LINGO2: variants seen among roughly 807,000 people sequenced by gnomAD.
LINGO2 encodes leucine-rich repeat and immunoglobulin-like domain-containing nogo receptor-interacting protein 2.
Under a neutral mutation model 30.6 loss-of-function variants are expected in LINGO2, and 14 were observed. The observed-to-expected ratio is 0.46, with a 90% CI of 0.30 to 0.72. The LOEUF is 0.72. LINGO2 is among the 30% of genes least tolerant of loss of function. The pLI is 0.07. For missense variants in LINGO2, 729 were observed against 751.7 expected (o/e 0.97, Z 0.35); for synonymous variants, 317 against 288.5 (o/e 1.10, Z -1.00).
intron 4 of LINGO2, among the ~76,000 whole-genome samples, chr9:28,270,874 G>C (rs1380953917): frequency 6.6e-6 from 1 of 152,080 alleles, no homozygotes; most frequent in Admixed American, 6.5e-5. Context: ...TACAGATGAG[G>C]ACTTGAGATT....
chr9:29,004,260 T>C, the LINGO2 span, among the ~76,000 whole-genome samples: 1 of 152,016 alleles, frequency 6.6e-6, no homozygotes. Context: ...TCTTTGATTT[T>C]TAATAAAAAT....
At chr9:28,636,920 C>G (rs1321272525) in intron 1 of LINGO2, among the ~76,000 whole-genome samples, 4 of 152,050 alleles carry the variant, frequency 2.6e-5, no homozygotes, top group Non-Finnish European at 4.4e-5. Flanking sequence ...GAATGGTATT[C>G]CTTAGGTTTT....
intron 4 of LINGO2, among the ~76,000 whole-genome samples, chr9:28,263,686 C>T (rs1218044042): frequency 6.6e-6 from 1 of 151,994 alleles, no homozygotes; most frequent in Non-Finnish European, 1.5e-5. Flanking sequence ...GTGGTTGAAG[C>T]AATGCCATGT....
At chr9:28,138,467 T>A (rs772873827) in intron 4 of LINGO2, among the ~76,000 whole-genome samples, 25 of 152,242 alleles carry the variant, frequency 1.6e-4, no homozygotes, top group Admixed American at 4.6e-4. Flanking sequence ...AAATGCAGAA[T>A]TGACACATCT....
At chr9:29,189,857 C>G in the LINGO2 span, among the ~76,000 whole-genome samples, 1 of 151,514 alleles carries the variant, frequency 6.6e-6, no homozygotes, top group African/African-American at 2.4e-5. Flanking sequence ...CAAAAAAATA[C>G]GAAAACCAGT....
At chr9:29,060,859 T>C in the LINGO2 span, among the ~76,000 whole-genome samples, 1 of 150,980 alleles carries the variant, frequency 6.6e-6, no homozygotes, top group Non-Finnish European at 1.5e-5. Context: ...GAGAGAAAAA[T>C]GATAGGAAAA....
At chr9:28,858,057 G>A in the LINGO2 span, among the ~76,000 whole-genome samples, 1 of 151,804 alleles carries the variant, frequency 6.6e-6, no homozygotes, top group Middle Eastern at 3.4e-3. Flanking sequence ...TATCTTCTTC[G>A]ACACAGGTAT....
intron 2 of LINGO2, among the ~76,000 whole-genome samples, chr9:28,391,065 A>G (rs1821811488): frequency 6.6e-6 from 1 of 152,214 alleles, no homozygotes; most frequent in African/African-American, 2.4e-5. Flanking sequence ...ATTCAGAATC[A>G]TTTGAATTCA....
intron 1 of LINGO2, among the ~76,000 whole-genome samples, chr9:28,575,325 G>A (rs559307198): frequency 2.6e-5 from 4 of 151,830 alleles, no homozygotes; most frequent in East Asian, 1.9e-4. Context: ...CTTGAACCTC[G>A]GCGGCAGAGG....
the LINGO2 span, among the ~76,000 whole-genome samples, chr9:28,956,119 A>G: frequency 6.6e-6 from 1 of 152,146 alleles, no homozygotes; most frequent in Non-Finnish European, 1.5e-5. Flanking sequence ...TATAAAAGGA[A>G]GAGTGGGGAG....
At chr9:28,664,719 C>T (rs1215144998) in intron 1 of LINGO2, among the ~76,000 whole-genome samples, 1 of 151,540 alleles carries the variant, frequency 6.6e-6, no homozygotes, top group Non-Finnish European at 1.5e-5. Context: ...TTTTTGTCTC[C>T]CAGAATGCTC....
At chr9:28,781,847 C>G in the LINGO2 span, among the ~76,000 whole-genome samples, 3 of 152,204 alleles carry the variant, frequency 2.0e-5, no homozygotes, top group African/African-American at 7.2e-5. Context: ...ACCTCAATAC[C>G]ATTACTTATT....
chr9:28,304,675 G>C (rs1196323698), intron 3 of LINGO2, among the ~76,000 whole-genome samples: 1 of 151,880 alleles, frequency 6.6e-6, no homozygotes, highest in Non-Finnish European at 1.5e-5. Context: ...GTGGATATAT[G>C]TTTTCATTTC....
At chr9:29,103,904 T>G in the LINGO2 span, among the ~76,000 whole-genome samples, 1 of 152,188 alleles carries the variant, frequency 6.6e-6, no homozygotes, top group Non-Finnish European at 1.5e-5. Flanking sequence ...ACTTCAACTT[T>G]TAATAGCTGC....
At chr9:28,526,392 A>G (rs1023164062) in intron 1 of LINGO2, among the ~76,000 whole-genome samples, 1 of 152,184 alleles carries the variant, frequency 6.6e-6, no homozygotes, top group Non-Finnish European at 1.5e-5. Flanking sequence ...CATCTACAAG[A>G]TACTCAGAGA....
chr9:28,759,055 T>C, the LINGO2 span, among the ~76,000 whole-genome samples: 2 of 152,044 alleles, frequency 1.3e-5, no homozygotes, highest in Non-Finnish European at 2.9e-5. Context: ...TAAGGTGCTG[T>C]TTTAGAAGGA....
intron 3 of LINGO2, among the ~76,000 whole-genome samples, chr9:28,344,296 T>G (rs114912806): frequency 0.025 from 3,762 of 152,070 alleles, 54 homozygotes; most frequent in Middle Eastern, 0.044. Flanking sequence ...AAGATGGGGA[T>G]CATATGAGCA....
chr9:28,351,897 A>C (rs1438655747), intron 3 of LINGO2, among the ~76,000 whole-genome samples: 4 of 149,570 alleles, frequency 2.7e-5, no homozygotes, highest in Non-Finnish European at 4.5e-5. Flanking sequence ...CAAAGACAAA[A>C]ACCACATGAT....
chr9:28,149,510 T>A (rs574288955), intron 4 of LINGO2, among the ~76,000 whole-genome samples: 4 of 129,770 alleles, frequency 3.1e-5, no homozygotes, highest in African/African-American at 8.9e-5. Context: ...CCCAGCCGCC[T>A]CACAGTCTGG....
Sources: allele counts gnomAD v4.1 joint callset (sites outside exome capture counted in the v4.1 genomes callset), GRCh38; gene constraint gnomAD v4.1.1; transcripts MANE v1.5; gene names NCBI Gene and HGNC (gene_info 2026-07-23, HGNC 2026-07-21).